Variants in ARK2C observed in about 807,000 individuals in gnomAD.
The protein encoded by ARK2C is E3 ubiquitin-protein ligase ARK2C.
chr18:46,410,667 T>A, the ARK2C span, among the ~76,000 whole-genome samples: 1 of 152,208 alleles, frequency 6.6e-6, no homozygotes, highest in African/African-American at 2.4e-5. Flanking sequence ...TGGGCCTGGC[T>A]GAAGGGGAGC....
the ARK2C span, among the ~76,000 whole-genome samples, chr18:46,351,037 C>G: frequency 4.1e-4 from 63 of 152,154 alleles, no homozygotes; most frequent in African/African-American, 1.4e-3. Context: ...GGGAGCTGCC[C>G]TAGCGGGCAG....
At chr18:46,393,742 G>T in the ARK2C span, among the ~76,000 whole-genome samples, 1 of 152,230 alleles carries the variant, frequency 6.6e-6, no homozygotes, top group African/African-American at 2.4e-5. Context: ...GGCCAGTGGG[G>T]AGAGAGGCCA....
chr18:46,371,239 C>T, the ARK2C span, among the ~76,000 whole-genome samples: 15 of 152,238 alleles, frequency 9.9e-5, no homozygotes, highest in Admixed American at 8.5e-4. Context: ...AGGATTATTA[C>T]AATTCAAGAC....
chr18:46,368,575 T>C, the ARK2C span, among the ~76,000 whole-genome samples: 1 of 152,270 alleles, frequency 6.6e-6, no homozygotes. Context: ...TTGGACCTTC[T>C]GAGGCAATTC....
the ARK2C span, among the ~76,000 whole-genome samples, chr18:46,372,536 C>T: frequency 6.6e-6 from 1 of 152,232 alleles, no homozygotes; most frequent in Non-Finnish European, 1.5e-5. Context: ...ACCCCACATT[C>T]TAGCTTGTTG....
chr18:46,434,803 G>A, the ARK2C span, among the ~76,000 whole-genome samples: 3 of 152,158 alleles, frequency 2.0e-5, no homozygotes, highest in Admixed American at 6.5e-5. Flanking sequence ...GACCTGGGAT[G>A]TTCAAGGAGG....
At chr18:46,454,641 A>G in the ARK2C span, among the ~76,000 whole-genome samples, 1 of 152,228 alleles carries the variant, frequency 6.6e-6, no homozygotes, top group Non-Finnish European at 1.5e-5. Context: ...AGGCCAGAGA[A>G]GGGAGACTTG....
At chr18:46,345,338 T>C in the ARK2C span, among the ~76,000 whole-genome samples, 1 of 151,662 alleles carries the variant, frequency 6.6e-6, no homozygotes, top group Non-Finnish European at 1.5e-5. Context: ...GCGGTGGGAG[T>C]GTTGATTGAG....
At chr18:46,432,978 G>T in the ARK2C span, among the ~76,000 whole-genome samples, 6 of 151,966 alleles carry the variant, frequency 3.9e-5, no homozygotes, top group African/African-American at 1.2e-4. Flanking sequence ...AAAAAATAAA[G>T]ATAACACTTC....
At chr18:46,397,500 G>GTC in the ARK2C span, among the ~76,000 whole-genome samples, 1 of 138,860 alleles carries the variant, frequency 7.2e-6, no homozygotes, top group South Asian at 2.5e-4. Context: ...GTGTGTGTGT[G>GTC]TGTGTGGTCA....
the ARK2C span, among the ~76,000 whole-genome samples, chr18:46,425,908 G>A: frequency 6.6e-6 from 1 of 152,190 alleles, no homozygotes; most frequent in African/African-American, 2.4e-5. Flanking sequence ...AAGGTGTTGG[G>A]AGATTTGGTG....
chr18:46,402,185 G>C, the ARK2C span, among the ~76,000 whole-genome samples: 5 of 152,188 alleles, frequency 3.3e-5, no homozygotes, highest in Non-Finnish European at 5.9e-5. Flanking sequence ...ACCTATGAAA[G>C]CATCTATACC....
At chr18:46,404,956 A>T in the ARK2C span, among the ~76,000 whole-genome samples, 27,655 of 152,060 alleles carry the variant, frequency 0.18, 3,888 homozygotes, top group East Asian at 0.5. Flanking sequence ...CATGCAGAAG[A>T]CATATTCAGC....
chr18:46,342,806 A>G, the ARK2C span, among the ~76,000 whole-genome samples: 2 of 152,222 alleles, frequency 1.3e-5, no homozygotes, highest in Non-Finnish European at 1.5e-5. Context: ...TAGAAAATAA[A>G]TCAAAGGAAA....
chr18:46,439,378 TGAG>T, the ARK2C span, among the ~76,000 whole-genome samples: 1 of 152,160 alleles, frequency 6.6e-6, no homozygotes, highest in Non-Finnish European at 1.5e-5. Flanking sequence ...CACAGCAAGA[TGAG>T]GAGGGGAAGT....
chr18:46,450,584 T>A, the ARK2C span: 1 of 841,372 alleles, frequency 1.2e-6, no homozygotes, highest in South Asian at 1.5e-5. Flanking sequence ...TCAGATGAGT[T>A]CTTCCTGATA....
chr18:46,384,439 C>A, the ARK2C span, among the ~76,000 whole-genome samples: 4 of 152,176 alleles, frequency 2.6e-5, no homozygotes, highest in African/African-American at 9.7e-5. Flanking sequence ...GCTTGGGAGG[C>A]CCCTCTTTCT....
chr18:46,455,975 G>A, the ARK2C span: 8 of 1,606,522 alleles, frequency 5.0e-6, no homozygotes, highest in South Asian at 1.1e-5. Context: ...TTCTCATAGC[G>A]AAGACCCCAG....
the ARK2C span, among the ~76,000 whole-genome samples, chr18:46,353,254 A>G: frequency 6.6e-6 from 1 of 152,252 alleles, no homozygotes; most frequent in East Asian, 1.9e-4. Flanking sequence ...TGAAAGCTGC[A>G]CATCCTTGGG....
Sources: gnomAD v4.1 joint callset for allele counts (sites outside exome capture counted in the v4.1 genomes callset) on GRCh38, gnomAD v4.1.1 for gene constraint, MANE v1.5 for transcripts, NCBI Gene and HGNC (gene_info 2026-07-23, HGNC 2026-07-21) for gene names.